Variants in LYPD6B observed in about 807,000 individuals in gnomAD.
The protein encoded by LYPD6B is ly6/PLAUR domain-containing protein 6B.
Under a neutral mutation model 22.8 loss-of-function variants are expected in LYPD6B, and 17 were observed. That is an observed-to-expected ratio of 0.75 (90% CI 0.51 to 1.12). LYPD6B has a LOEUF of 1.12. Ranked by LOEUF, LYPD6B falls within the 50% of genes most tolerant of loss-of-function variation. The probability of loss-of-function intolerance (pLI) is 0.00; values close to 1 mark genes in which losing one functional copy is unlikely to be tolerated. For missense variants in LYPD6B, 221 were observed against 258.3 expected, an observed-to-expected ratio of 0.86 and a Z score of 0.99; for synonymous variants, 106 against 91.6, an observed-to-expected ratio of 1.16 and a Z score of -0.90.
chr2:149,211,653 G>T (rs1158252660), intron 5 of LYPD6B, among the ~76,000 whole-genome samples: 1 of 151,200 alleles, frequency 6.6e-6, no homozygotes, highest in Non-Finnish European at 1.5e-5. Flanking sequence ...AAAAAAAAAT[G>T]AGCTCAGAAG....
chr2:149,044,182 A>G (rs1258753947), intron 1 of LYPD6B, among the ~76,000 whole-genome samples: 2 of 152,066 alleles, frequency 1.3e-5, no homozygotes, highest in Non-Finnish European at 2.9e-5. Context: ...TAGGATTTTG[A>G]ATGGAATTGT....
intron 1 of LYPD6B, among the ~76,000 whole-genome samples, chr2:149,093,096 A>G (rs535196521): frequency 1.3e-5 from 2 of 152,280 alleles, no homozygotes; most frequent in South Asian, 2.1e-4. Context: ...TTGACCTGGA[A>G]CAAGGCTGTC....
At chr2:149,157,035 G>A (rs532315742) in intron 2 of LYPD6B, among the ~76,000 whole-genome samples, 27 of 152,230 alleles carry the variant, frequency 1.8e-4, no homozygotes, top group Admixed American at 1.6e-3. Context: ...CAAATTTTGC[G>A]TCTCATCTAT....
In LYPD6B at chr2:149,198,112, G is replaced by A. The variant is rs192173163; in HGVS notation, c.78-7141G>A. Among the ~76,000 whole-genome samples the A allele has an allele frequency of 2.3e-3, 348 of 151,116 alleles. 3 individuals carry two copies. The highest frequency in any genetic ancestry group is 7.9e-3 in the African/African-American group (325 of 41,144). ...GGCTAGAGTGCAGTGGCATGACCTC[G>A]GCTCACTGCAATCCCCGCCTCCTAG... On this transcript the variant is annotated intron_variant, in intron 3 of 6. Transcript: ENST00000409642.
chr2:149,095,243 C>T (rs1175189717), intron 1 of LYPD6B, among the ~76,000 whole-genome samples: 1 of 152,136 alleles, frequency 6.6e-6, no homozygotes, highest in Non-Finnish European at 1.5e-5. Flanking sequence ...TTGCAGTGAG[C>T]TGAGATTGCG....
At chr2:149,183,562 T>A (rs1691888426) in intron 3 of LYPD6B, among the ~76,000 whole-genome samples, 1 of 152,222 alleles carries the variant, frequency 6.6e-6, no homozygotes, top group Admixed American at 6.5e-5. Context: ...ATAAATAATA[T>A]GCTTCCTTAC....
At chr2:149,088,072 C>G (rs1376844176) in intron 1 of LYPD6B, among the ~76,000 whole-genome samples, 1 of 147,266 alleles carries the variant, frequency 6.8e-6, no homozygotes, top group African/African-American at 2.5e-5. Context: ...GCTCCCTCCC[C>G]TCCAGTAACC....
chr2:149,050,160 G>A (rs1683485604), intron 1 of LYPD6B, among the ~76,000 whole-genome samples: 1 of 152,050 alleles, frequency 6.6e-6, no homozygotes, highest in African/African-American at 2.4e-5. Context: ...CAGCTTGCAA[G>A]GGGTCAGTTC....
At position 149,138,702 on chromosome 2, in the gene LYPD6B, G is replaced by A. The variant is rs562464670; in HGVS notation, c.5+7749G>A. 8.5e-5 allele frequency among the ~76,000 whole-genome samples: 13 copies of A among 152,086 alleles called. No homozygotes were observed. In the South Asian group the frequency reaches 1.0e-3, roughly 12 times the overall value. ...GACTATAGGTATGTGTACCACACTC[G>A]GCCCATTTTTAATATTTTTGTAGAG... On this transcript the variant is annotated intron_variant, in intron 2 of 6. Coordinates refer to ENST00000409642, the MANE Select transcript of LYPD6B (RefSeq NM_177964.5).
intron 1 of LYPD6B, chr2:149,068,870 G>C (rs368599369): frequency 3.0e-4 from 99 of 325,330 alleles, no homozygotes; most frequent in African/African-American, 2.0e-3. Flanking sequence ...AGCCTCCAAG[G>C]CTTCCTGAAA....
chr2:149,097,462 A>T (rs995943324), intron 1 of LYPD6B, among the ~76,000 whole-genome samples: 1 of 152,222 alleles, frequency 6.6e-6, no homozygotes, highest in Non-Finnish European at 1.5e-5. Flanking sequence ...CAACTAAAAA[A>T]TTATTTATTG....
intron 3 of LYPD6B, among the ~76,000 whole-genome samples, chr2:149,184,627 G>T (rs1170783205): frequency 2.0e-5 from 3 of 152,214 alleles, no homozygotes; most frequent in African/African-American, 7.2e-5. Context: ...TTGTTAGAAT[G>T]TTGATTGTTG....
chr2:149,212,405 G>A (rs868403026), intron 5 of LYPD6B, among the ~76,000 whole-genome samples: 3,196 of 79,190 alleles, frequency 0.04, 1 homozygote, highest in South Asian at 0.064. Context: ...AAAAAAAAAA[G>A]AAATTATTAG....
At chr2:149,190,350 G>A (rs946268412) in intron 3 of LYPD6B, among the ~76,000 whole-genome samples, 1 of 152,114 alleles carries the variant, frequency 6.6e-6, no homozygotes, top group Non-Finnish European at 1.5e-5. Context: ...GTTGTTTTCA[G>A]ACATTTACTA....
At chr2:149,055,164 A>G (rs905916513) in intron 1 of LYPD6B, among the ~76,000 whole-genome samples, 1 of 152,152 alleles carries the variant, frequency 6.6e-6, no homozygotes, top group Non-Finnish European at 1.5e-5. Flanking sequence ...TCTGCCATTG[A>G]ATTGTTTTGG....
chr2:149,060,179 A>T (rs1684008403), intron 1 of LYPD6B, among the ~76,000 whole-genome samples: 1 of 152,192 alleles, frequency 6.6e-6, no homozygotes, highest in South Asian at 2.1e-4. Flanking sequence ...AAGGTGGGCT[A>T]GGCACTTTGC....
At chr2:149,134,379 A>G (rs2105723871) in intron 2 of LYPD6B, among the ~76,000 whole-genome samples, 1 of 152,338 alleles carries the variant, frequency 6.6e-6, no homozygotes, top group South Asian at 2.1e-4. Flanking sequence ...CAAATTCATT[A>G]TATTTCGATT....
intron 3 of LYPD6B, among the ~76,000 whole-genome samples, chr2:149,162,327 A>G (rs772809055): frequency 3.9e-5 from 6 of 152,166 alleles, no homozygotes; most frequent in Non-Finnish European, 8.8e-5. Flanking sequence ...GGAAGGGTCT[A>G]TTAATATCCA....
chr2:149,169,079 T>C (rs1370722926), intron 3 of LYPD6B, among the ~76,000 whole-genome samples: 1 of 152,196 alleles, frequency 6.6e-6, no homozygotes, highest in Non-Finnish European at 1.5e-5. Flanking sequence ...ATTTGAGTAA[T>C]GCACTATGGA....
Sources: gnomAD v4.1 joint callset for allele counts (sites outside exome capture counted in the v4.1 genomes callset) on GRCh38, gnomAD v4.1.1 for gene constraint, MANE v1.5 for transcripts, NCBI Gene and HGNC (gene_info 2026-07-23, HGNC 2026-07-21) for gene names.